The following UCKL1 variants were observed in gnomAD, a reference collection of about 807,000 sequenced individuals.
UCKL1 encodes the protein uridine-cytidine kinase-like 1.
Under a neutral mutation model 59.2 loss-of-function variants are expected in UCKL1, and 65 were observed. The observed-to-expected ratio is 1.10, with a 90% CI of 0.90 to 1.35. The LOEUF is 1.35. UCKL1 is among the 40% of genes most tolerant of loss of function. The pLI, the probability that UCKL1 is intolerant of heterozygous loss-of-function variation, is 0.00. For synonymous variants in UCKL1, 410 were observed against 323.1 expected (o/e 1.27, Z -2.88); for missense variants, 703 against 784.3 (o/e 0.90, Z 1.24).
chr20:63,940,941 G>T lies in UCKL1; in HGVS notation c.1116+9C>A. The T allele has an allele frequency of 6.6e-7, 1 of 1,521,532 alleles. No individual in the cohort carries two copies. Among genetic ancestry groups the T allele is most frequent in the Non-Finnish European group, 8.8e-7 (1 of 1,133,480 alleles). The allele number at this position is 1,521,532 out of a possible 1,614,324, so 94.3% of individuals were successfully genotyped here. A position where few individuals can be genotyped will look rare whatever the true frequency, so the allele number is the denominator to read the frequency against. ...CCACCCTCCACCTCGCGGGCTACGG[G>T]CTACGAACCTGAAAGGGCAGGAAGG... On this transcript the variant is annotated intron_variant, in intron 10 of 14. Coordinates refer to ENST00000354216, the MANE Select transcript of UCKL1 (RefSeq NM_017859.4).
intron 1 of UCKL1, among the ~76,000 whole-genome samples, chr20:63,947,856 G>A (rs6011235): frequency 0.22 from 33,194 of 152,240 alleles, 4,304 homozygotes; most frequent in African/African-American, 0.36. Flanking sequence ...TGCACTGCAC[G>A]TGCTGGACCG....
At chr20:63,952,976 G>A (rs1388715765) in intron 1 of UCKL1, among the ~76,000 whole-genome samples, 8 of 152,252 alleles carry the variant, frequency 5.3e-5, no homozygotes, top group Admixed American at 6.5e-5. Flanking sequence ...GTGGCCGGGC[G>A]CGGTGGCTCA....
chr20:63,951,813 A>AGGGCT (rs1239812782), intron 1 of UCKL1, among the ~76,000 whole-genome samples: 4 of 152,146 alleles, frequency 2.6e-5, no homozygotes, highest in South Asian at 2.1e-4. Context: ...CTCCCCGCCC[A>AGGGCT]CAGAAACAGG....
chr20:63,948,579 A>AGAGGGAGGGGG (rs1569121185), intron 1 of UCKL1: 8 of 5,006 alleles, frequency 1.6e-3, no homozygotes, highest in Non-Finnish European at 3.0e-3. Context: ...GAGGGAGGGG[A>AGAGGGAGGGGG]TGTGTGTGAG....
At chr20:63,948,570 AGGGAGGGGATGTGTGTGAGAGGGAG>A (rs2056894171) in intron 1 of UCKL1, 1 of 53,522 alleles carries the variant, frequency 1.9e-5, no homozygotes, top group African/African-American at 7.3e-5. Flanking sequence ...CGTGTGTGAG[AGGGAGGGGATGTGTGTGAGAGGGAG>A]GGGGCGTGTG....
rs772625058 is a variant in UCKL1, at chr20:63,941,049, G to C, written c.1023-6C>G. ...CGCGACTGGTCTCCTTGTCCCTGTGGGGCCAACAGTTGAGCGGGAGCACGC... is the reference window on the plus strand; with the variant it reads ...CGCGACTGGTCTCCTTGTCCCTGTGCGGCCAACAGTTGAGCGGGAGCACGC... On this transcript the variant is annotated splice_polypyrimidine_tract_variant and splice_region_variant and intron_variant, in intron 9 of 14. Coordinates refer to ENST00000354216, the MANE Select transcript of UCKL1 (RefSeq NM_017859.4). The C allele has an allele frequency of 1.3e-5, 21 of 1,586,908 alleles. No homozygotes were observed. In the South Asian group the frequency reaches 2.2e-4, roughly 16 times the overall value.
At chr20:63,947,970 C>CAA (rs1373512367) in intron 1 of UCKL1, among the ~76,000 whole-genome samples, 1 of 151,578 alleles carries the variant, frequency 6.6e-6, no homozygotes, top group African/African-American at 2.4e-5. Flanking sequence ...TGGGGAGGCT[C>CAA]AATATGGCCG....
intron 1 of UCKL1, chr20:63,954,538 A>T (rs1247361655): frequency 1.3e-5 from 2 of 152,386 alleles, no homozygotes; most frequent in Non-Finnish European, 2.9e-5. Flanking sequence ...GGGCAGCAGC[A>T]GAGGTTGAAG....
rs538963621 is a variant in UCKL1 at position 63,947,997 on chromosome 20, G to C, written c.114-1354C>G. 5.9e-5 allele frequency among the ~76,000 whole-genome samples: 9 copies of C among 151,628 alleles called. No individual in the cohort carries two copies. In the South Asian group the frequency reaches 1.9e-3, roughly 33 times the overall value. ...ATATGGCCGAGTGCCCTGCTGGGGG[G>C]TTGGGGGGGCATCAACGTGGCGCCT... is the stretch of plus-strand genomic sequence containing the variant. On this transcript the variant is annotated intron_variant, in intron 1 of 14. Transcript: ENST00000354216.
intron 1 of UCKL1, chr20:63,950,739 G>A: frequency 1.3e-6 from 2 of 1,514,028 alleles, no homozygotes; most frequent in Non-Finnish European, 1.8e-6. Flanking sequence ...TCACGGCAGA[G>A]ACCTCCAGTC....
intron 7 of UCKL1, 135 bp from the exon 8 acceptor site, chr20:63,943,804 G>A: frequency 7.8e-7 from 1 of 1,279,510 alleles, no homozygotes; most frequent in Non-Finnish European, 1.1e-6. Context: ...GGGGTGGCAA[G>A]CTTCTAATGC....
chr20:63,951,139 C>G, intron 1 of UCKL1: 1 of 1,086,298 alleles, frequency 9.2e-7, no homozygotes, highest in Non-Finnish European at 1.1e-6. Flanking sequence ...GGGAACAGCA[C>G]TCACTGCCGT....
At position 63,940,321 on chromosome 20, in the gene UCKL1, G is replaced by A; in HGVS notation, c.1411-15C>T. 2 of 1,612,326 alleles carry A rather than the reference G, an allele frequency of 1.2e-6. No individual in the cohort carries two copies. Among genetic ancestry groups the A allele is most frequent in the Non-Finnish European group, 8.5e-7 (1 of 1,179,772 alleles). On this transcript the variant is annotated splice_polypyrimidine_tract_variant and intron_variant, in intron 13 of 14. Coordinates refer to ENST00000354216, the MANE Select transcript of UCKL1 (RefSeq NM_017859.4). ...ACGTCGTGGTCCTACCGAGTGTATT[G>A]GGCAGGTAAATCCCACCTCTGCCTG...
intron 1 of UCKL1, chr20:63,950,795 C>T: frequency 8.4e-6 from 13 of 1,540,762 alleles, no homozygotes; most frequent in Non-Finnish European, 1.1e-5. Flanking sequence ...CCCTGAGATC[C>T]TGATGCCAGG....
intron 1 of UCKL1, chr20:63,951,070 T>G: frequency 8.3e-7 from 1 of 1,207,214 alleles, no homozygotes; most frequent in Non-Finnish European, 1.0e-6. Context: ...AGAAGCTGCC[T>G]GCCAAATGTC....
chr20:63,944,832 C>G, intron 5 of UCKL1, 98 bp from the exon 6 acceptor site: 9 of 1,448,490 alleles, frequency 6.2e-6, no homozygotes, highest in Non-Finnish European at 8.4e-6. Context: ...GTCCGTGGGC[C>G]TGGCCAGAGC....
chr20:63,945,439 A>G (rs377470939), intron 5 of UCKL1, among the ~76,000 whole-genome samples: 1 of 152,220 alleles, frequency 6.6e-6, no homozygotes, highest in East Asian at 1.9e-4. Context: ...GTGGAGAGGA[A>G]CCACTGCCTC....
At chr20:63,942,566 C>G in intron 8 of UCKL1, 1 of 972,222 alleles carries the variant, frequency 1.0e-6, no homozygotes, top group South Asian at 1.6e-5. Context: ...AGGAAGAGAA[C>G]AAAGAGAAGG....
chr20:63,940,237 CTGAG>C lies in UCKL1; in HGVS notation c.1476_1479del (p.His492GlnfsTer9), dbSNP rs1434712587. ...CTCACTCGCGGAAATGCATAGGCCA[CTGAG>C]TGCACGCCCATCTCTGCCATGAGCA... On this transcript the variant is annotated frameshift_variant, in exon 14 of 15. Coordinates refer to ENST00000354216, the MANE Select transcript of UCKL1 (RefSeq NM_017859.4). LOFTEE classifies it high-confidence loss of function. 3.1e-6 allele frequency: 5 copies of C among 1,612,832 alleles called. No homozygotes were observed. Among genetic ancestry groups the C allele is most frequent in the Non-Finnish European group, 3.4e-6 (4 of 1,180,010 alleles).
Sources: gnomAD v4.1 joint callset for allele counts (sites outside exome capture counted in the v4.1 genomes callset) on GRCh38, gnomAD v4.1.1 for gene constraint, MANE v1.5 for transcripts, NCBI Gene and HGNC (gene_info 2026-07-23, HGNC 2026-07-21) for gene names.